Variants in MAPK13 observed in about 807,000 individuals in gnomAD.
The protein encoded by MAPK13 is mitogen-activated protein kinase 13, also known as MAP kinase 13.
A neutral mutation model predicts 53.5 loss-of-function variants in MAPK13; 39 were observed. That is an observed-to-expected ratio of 0.73 (90% CI 0.56 to 0.95). The LOEUF is 0.95. MAPK13 is among the 40% of genes least tolerant of loss of function. The pLI, the probability that MAPK13 is intolerant of heterozygous loss-of-function variation, is 0.00. For synonymous variants in MAPK13, 179 were observed against 190.9 expected (o/e 0.94, Z 0.51); for missense variants, 460 against 471.8 (o/e 0.98, Z 0.23).
At chr6:36,131,424 G>A (rs576164111) in intron 2 of MAPK13, 24 bp downstream of exon 2, 1 of 1,603,016 alleles carries the variant, frequency 6.2e-7, no homozygotes, top group Non-Finnish European at 8.5e-7. Flanking sequence ...GCCCCGGGGA[G>A]GGGGTGGGGG....
intron 5 of MAPK13, 136 bp downstream of exon 5, chr6:36,136,184 C>A: frequency 9.5e-7 from 1 of 1,051,186 alleles, no homozygotes; most frequent in Non-Finnish European, 1.4e-6. Context: ...GTTTTCACAC[C>A]CAGCCACGGC....
Position 36,139,279 on chromosome 6 carries a change from T to TG in MAPK13, c.1019-14dup. On this transcript the variant is annotated splice_polypyrimidine_tract_variant and intron_variant, in intron 11 of 11. Transcript: ENST00000211287. ...GCACCTCTTTACGCACCTTAAACCA[T>TG]GCTGCCTTTCTCAGAGCACATCTAC... is the stretch of plus-strand genomic sequence containing the variant. 1 of 1,612,844 alleles carries TG rather than the reference T, an allele frequency of 6.2e-7. No homozygotes were observed. The highest frequency in any genetic ancestry group is 1.1e-5 in the South Asian group (1 of 91,066).
intron 5 of MAPK13, 89 bp from the exon 6 acceptor site, chr6:36,136,395 G>A: frequency 8.7e-7 from 1 of 1,156,034 alleles, no homozygotes; most frequent in Non-Finnish European, 1.2e-6. Context: ...GAAGGGGCCT[G>A]GCTGAGGTCA....
chr6:36,134,248 G>A (rs1287325089), intron 3 of MAPK13, among the ~76,000 whole-genome samples: 3 of 152,090 alleles, frequency 2.0e-5, no homozygotes, highest in African/African-American at 4.8e-5. Context: ...CCCAAGGGAG[G>A]TGTGTGGTCC....
chr6:36,135,516 G>A (rs944392580), intron 3 of MAPK13, among the ~76,000 whole-genome samples: 9 of 152,230 alleles, frequency 5.9e-5, no homozygotes, highest in African/African-American at 1.9e-4. Flanking sequence ...TCCTGAGCGC[G>A]CTCCAACTGC....
intron 3 of MAPK13, 48 bp downstream of exon 3, chr6:36,132,727 C>G: frequency 6.2e-7 from 1 of 1,600,452 alleles, no homozygotes; most frequent in Non-Finnish European, 8.6e-7. Flanking sequence ...GCCTTACATG[C>G]CGCTGGGGAG....
At chr6:36,135,210 T>G (rs1581882286) in intron 3 of MAPK13, among the ~76,000 whole-genome samples, 1 of 152,162 alleles carries the variant, frequency 6.6e-6, no homozygotes, top group African/African-American at 2.4e-5. Flanking sequence ...ACAGTTACAT[T>G]TTGCTGGCCT....
intron 1 of MAPK13, chr6:36,131,028 GTGAGA>G: frequency 1.8e-6 from 1 of 549,176 alleles, no homozygotes; most frequent in Non-Finnish European, 3.2e-6. Context: ...TGCAGACAGA[GTGAGA>G]CTCCCGCCCT....
Position 36,144,241 on chromosome 6 carries a change from T to C in MAPK13, c.*4868T>C, listed in dbSNP as rs1428306654. ...GTAAGCTAGTTATATTTATATACAG[T>C]TGTCAAAATATTTTTAAAATGTATA... On this transcript the variant is annotated 3_prime_UTR_variant, in exon 12 of 12. Coordinates refer to ENST00000211287, the MANE Select transcript of MAPK13 (RefSeq NM_002754.5). 1 of 152,198 alleles carries C rather than the reference T, an allele frequency of 6.6e-6. No homozygotes were observed. The highest frequency in any genetic ancestry group is 1.5e-5 in the Non-Finnish European group (1 of 68,040). 9.4% of individuals were successfully genotyped at this position (152,198 alleles called of 1,614,324 possible).
intron 3 of MAPK13, among the ~76,000 whole-genome samples, chr6:36,134,699 ATTT>A (rs987716419): frequency 2.8e-5 from 4 of 143,770 alleles, no homozygotes; most frequent in South Asian, 4.4e-4. Context: ...CACCTGGCTA[ATTT>A]TTTTTTTTTT....
At chr6:36,139,239 G>A in intron 11 of MAPK13, 55 bp from the exon 12 acceptor site, 1 of 1,539,012 alleles carries the variant, frequency 6.5e-7, no homozygotes, top group Non-Finnish European at 9.0e-7. Context: ...AAGGGGGGTG[G>A]ACTTTCTCGC....
At position 36,130,538 on chromosome 6, in the gene MAPK13, C is replaced by T. The variant is rs13208493; in HGVS notation, c.-45C>T. The T allele has an allele frequency of 4.9e-5, 52 of 1,063,128 alleles. No individual in the cohort carries two copies. The Admixed American group carries it at 5.8e-4, about 12-fold the overall frequency. 65.9% of individuals were successfully genotyped at this position (1,063,128 alleles called of 1,614,324 possible). ...GGGGCGCTGGGAGCCCGTTGGGCCG[C>T]GAACGCAGCCGCCACGCTGGGGCCG... On this transcript the variant is annotated 5_prime_UTR_variant, in exon 1 of 12. Transcript: ENST00000211287. This position sits in a 1 kb window ranked among gnomAD's most constrained non-coding sequence, Gnocchi z 4.5.
At position 36,138,962 on chromosome 6, in the gene MAPK13, G is replaced by A. The variant is rs769173599; in HGVS notation, c.925G>A (p.Glu309Lys). The part of the protein sequence containing the change: ...AAQALTHPFF[E>K]PFRDPEEETE... Reference sequence around the variant, plus strand: ...GCAGGCCCTCACCCATCCCTTCTTTGAACCCTTCCGGGACCCTGAGGAAGA... The same window carrying A: ...GCAGGCCCTCACCCATCCCTTCTTTAAACCCTTCCGGGACCCTGAGGAAGA... The change falls in exon 11 of 12, where the codon GAA (glutamate) becomes AAA (lysine). Residue 309 changes from glutamate to lysine, a missense_variant. By Grantham distance (56) the Glu-to-Lys change is moderately conservative. Transcript: ENST00000211287. The A allele has an allele frequency of 2.5e-6, 4 of 1,613,820 alleles. No individual in the cohort carries two copies. The highest frequency in any genetic ancestry group is 3.4e-6 in the Non-Finnish European group (4 of 1,179,960).
At chr6:36,136,181 C>T (rs1474192628) in intron 5 of MAPK13, 133 bp downstream of exon 5, 12 of 1,093,716 alleles carry the variant, frequency 1.1e-5, no homozygotes, top group Non-Finnish European at 1.5e-5. Context: ...GGAGTTTTCA[C>T]ACCCAGCCAC....
chr6:36,139,230 AG>A, intron 11 of MAPK13, 63 bp from the exon 12 acceptor site: 3 of 1,512,240 alleles, frequency 2.0e-6, no homozygotes, highest in Non-Finnish European at 2.8e-6. Flanking sequence ...CTGTCTCTGA[AG>A]GGGGGTGGAC....
chr6:36,138,577 CTT>C lies in MAPK13; in HGVS notation c.763-124_763-123del, dbSNP rs1431221914. On this transcript the variant is annotated intron_variant, in intron 9 of 11. Coordinates refer to ENST00000211287, the MANE Select transcript of MAPK13 (RefSeq NM_002754.5). ...GCATCCTCCTACCCTGGCAGGCACT[CTT>C]GTCTTAATCTCACCGTGGACCCTGA... 8 of 1,274,070 alleles carry C rather than the reference CTT, an allele frequency of 6.3e-6. No individual in the cohort carries two copies. In the East Asian group the frequency reaches 7.4e-5, roughly 12 times the overall value. The allele number at this position is 1,274,070 out of a possible 1,614,324, so 78.9% of individuals were successfully genotyped here.
intron 3 of MAPK13, among the ~76,000 whole-genome samples, chr6:36,133,371 A>AGG (rs1422984562): frequency 6.6e-6 from 1 of 152,142 alleles, no homozygotes; most frequent in Non-Finnish European, 1.5e-5. Flanking sequence ...TCGGAGGCAG[A>AGG]GGGGGAGAGC....
rs759129815 is a variant in MAPK13, at chr6:36,135,716, AC to A, written c.309-34del. On this transcript the variant is annotated intron_variant, in intron 3 of 11. Coordinates refer to ENST00000211287, the MANE Select transcript of MAPK13 (RefSeq NM_002754.5). ...GAGCTCTGACCTGGGGCTGGGTGGG[AC>A]CCGGCACTGTTCCAAGAACCCCTCA... 10 of 1,486,812 alleles carry A rather than the reference AC, an allele frequency of 6.7e-6. No individual in the cohort carries two copies. In the African/African-American group the frequency reaches 1.4e-4, roughly 21 times the overall value. 92.1% of individuals were successfully genotyped at this position (1,486,812 alleles called of 1,614,324 possible).
At position 36,139,608 on chromosome 6, in the gene MAPK13, G is replaced by A; in HGVS notation, c.*235G>A. 1.9e-6 allele frequency: 1 copy of A among 523,080 alleles called. No individual in the cohort carries two copies. Among genetic ancestry groups the A allele is most frequent in the South Asian group, 2.3e-5 (1 of 43,098 alleles). The allele number at this position is 523,080 out of a possible 1,614,324, so 32.4% of individuals were successfully genotyped here. A position where few individuals can be genotyped will look rare whatever the true frequency, so the allele number is the denominator to read the frequency against. On this transcript the variant is annotated 3_prime_UTR_variant, in exon 12 of 12. Coordinates refer to ENST00000211287, the MANE Select transcript of MAPK13 (RefSeq NM_002754.5). ...CCCATCTGGAGAATCGCCTGCAGGT[G>A]GGGCCCTTTCCTTCCCGCCAGAGTG...
Sources: allele counts gnomAD v4.1 joint callset (sites outside exome capture counted in the v4.1 genomes callset), GRCh38; gene constraint gnomAD v4.1.1; non-coding constraint Gnocchi (gnomAD v3.1); transcripts MANE v1.5; gene names NCBI Gene and HGNC (gene_info 2026-07-23, HGNC 2026-07-21).